TBCK: variants seen among roughly 807,000 people sequenced by gnomAD.
TBCK encodes the protein TBC1 domain containing kinase.
In TBCK, 99 loss-of-function variants were observed where a neutral mutation model predicts 113.4. That is an observed-to-expected ratio of 0.87 (90% confidence interval 0.74 to 1.03). The LOEUF is 1.03. Ranked by LOEUF, TBCK falls within the 50% of genes least tolerant of loss-of-function variation. The probability of loss-of-function intolerance (pLI) is 0.00; values close to 1 mark genes in which losing one functional copy is unlikely to be tolerated. For synonymous variants in TBCK, 369 were observed against 370.8 expected (o/e 1.00, Z 0.05); for missense variants, 1,045 against 1,061.3 (o/e 0.98, Z 0.21).
intron 22 of TBCK, among the ~76,000 whole-genome samples, chr4:106,181,707 T>C (rs1752403962): frequency 6.6e-6 from 1 of 152,098 alleles, no homozygotes; most frequent in Admixed American, 6.6e-5. Context: ...CTGAGGCCTC[T>C]GTTCTGTTCT....
At chr4:106,063,589 A>AG (rs1172798835) in intron 25 of TBCK, among the ~76,000 whole-genome samples, 1 of 151,848 alleles carries the variant, frequency 6.6e-6, no homozygotes, top group African/African-American at 2.4e-5. Context: ...GCTTGAGCAA[A>AG]GGGGGGAAGG....
intron 24 of TBCK, among the ~76,000 whole-genome samples, chr4:106,097,135 TTG>T (rs1190228114): frequency 1.3e-5 from 2 of 152,208 alleles, no homozygotes; most frequent in Non-Finnish European, 2.9e-5. Context: ...CCTATTATCC[TTG>T]TGATTTATTA....
chr4:106,129,113 T>C (rs1216511320), intron 23 of TBCK, among the ~76,000 whole-genome samples: 1 of 152,182 alleles, frequency 6.6e-6, no homozygotes, highest in Admixed American at 6.5e-5. Flanking sequence ...TCTTACATAA[T>C]ACAGAAAAAT....
At chr4:106,052,238 G>A (rs1159728743) in intron 25 of TBCK, among the ~76,000 whole-genome samples, 3 of 151,776 alleles carry the variant, frequency 2.0e-5, no homozygotes, top group Non-Finnish European at 4.4e-5. Context: ...AAGCCAAGAA[G>A]GTGAATGCAC....
At chr4:106,280,067 C>T (rs1046729391) in intron 3 of TBCK, among the ~76,000 whole-genome samples, 10 of 152,142 alleles carry the variant, frequency 6.6e-5, no homozygotes, top group African/African-American at 2.4e-4. Context: ...AAAAGGGTTT[C>T]CTTTTCTCCA....
chr4:106,310,649 T>A (rs773283611), intron 1 of TBCK: 1 of 152,214 alleles, frequency 6.6e-6, no homozygotes. Flanking sequence ...AAGATTTGGC[T>A]GTTCACCCAG....
Position 106,140,212 on chromosome 4 carries a change from T to C in TBCK, c.2236-23834A>G, listed in dbSNP as rs1240462439. Among the ~76,000 whole-genome samples the C allele has an allele frequency of 5.7e-5, 8 of 141,018 alleles. 2 individuals are homozygous for C. The highest frequency in any genetic ancestry group is 8.1e-5 in the Non-Finnish European group (5 of 61,986). The allele number at this position is 141,018 out of a possible 152,430, so 92.5% of individuals were successfully genotyped here. On this transcript the variant is annotated intron_variant, in intron 23 of 25. Transcript: ENST00000394708. The stretch of plus-strand genomic sequence containing the variant: ...ATGGAGTTATGGGCAATATTTATTG[T>C]GGTGAAGTAAATCTTTAAAATACTA...
At chr4:106,166,971 C>T (rs961370069) in intron 23 of TBCK, among the ~76,000 whole-genome samples, 2 of 150,530 alleles carry the variant, frequency 1.3e-5, no homozygotes, top group African/African-American at 2.4e-5. Flanking sequence ...TCATTAAACT[C>T]GGGAACAAGT....
rs149743265 is a variant in TBCK at position 106,194,660 on chromosome 4, C to T, written c.1897+58G>A. The T allele has an allele frequency of 7.4e-4, 953 of 1,284,620 alleles. 4 individuals are homozygous for T. In the African/African-American group the frequency reaches 0.013, roughly 17 times the overall value. The allele number at this position is 1,284,620 out of a possible 1,614,324, so 79.6% of individuals were successfully genotyped here. A position where few individuals can be genotyped will look rare whatever the true frequency, so the allele number is the denominator to read the frequency against. ...ATTGTAAATATAAAATATGGGGAGG[C>T]ATCGGGCTGTCCTTTTGCTAATACA... On this transcript the variant is annotated intron_variant, in intron 21 of 25. Transcript: ENST00000394708.
chr4:106,147,196 C>T (rs1020826530), intron 23 of TBCK, among the ~76,000 whole-genome samples: 6 of 152,148 alleles, frequency 3.9e-5, no homozygotes, highest in Non-Finnish European at 5.9e-5. Flanking sequence ...CTTACAAACA[C>T]CTTTTCATAT....
intron 25 of TBCK, among the ~76,000 whole-genome samples, chr4:106,057,346 G>A (rs1043114575): frequency 5.3e-5 from 8 of 151,638 alleles, no homozygotes; most frequent in African/African-American, 1.5e-4. Flanking sequence ...CAAAAGAAAG[G>A]GAAGATGCTT....
In TBCK at chr4:106,221,334, C is replaced by T. The variant is rs138585210; in HGVS notation, c.1775-8499G>A. 5.1e-3 allele frequency among the ~76,000 whole-genome samples: 778 copies of T among 151,656 alleles called. 4 individuals carry two copies. The highest frequency in any genetic ancestry group is 0.018 in the African/African-American group (735 of 41,394). ...TTATAACTGCATATACATATATATA[C>T]ACACACACACAGACATAAAATATAT... On this transcript the variant is annotated intron_variant, in intron 19 of 25. Transcript: ENST00000394708.
At chr4:106,213,810 C>A in intron 19 of TBCK, 1 of 155,828 alleles carries the variant, frequency 6.4e-6, no homozygotes, top group Non-Finnish European at 1.4e-5. Flanking sequence ...CACCATTGCC[C>A]AGGCTTGCTT....
At chr4:106,115,308 T>C (rs932113682) in intron 24 of TBCK, among the ~76,000 whole-genome samples, 1 of 152,138 alleles carries the variant, frequency 6.6e-6, no homozygotes, top group African/African-American at 2.4e-5. Context: ...GGTAAGTATA[T>C]ACATATAATG....
chr4:106,140,633 A>C (rs1747063057), intron 23 of TBCK, among the ~76,000 whole-genome samples: 1 of 141,268 alleles, frequency 7.1e-6, no homozygotes, highest in Non-Finnish European at 1.6e-5. Flanking sequence ...ATAATGTCTT[A>C]GTTTTAAATT....
At position 106,046,515 on chromosome 4, in the gene TBCK, CTG is replaced by C; in HGVS notation, c.*53_*54del. ...CTGAGAGTGGCGTGGATATGAAGAA[CTG>C]TGCTGTTGGTGCTGATGCCACACTA... On this transcript the variant is annotated 3_prime_UTR_variant, in exon 26 of 26. Coordinates refer to ENST00000394708, the MANE Select transcript of TBCK (RefSeq NM_001163435.3). 2.2e-6 allele frequency: 2 copies of C among 928,594 alleles called. No homozygotes were observed. The highest frequency in any genetic ancestry group is 4.9e-5 in the East Asian group (2 of 41,074). 57.5% of individuals were successfully genotyped at this position (928,594 alleles called of 1,614,324 possible).
chr4:106,058,799 T>C (rs1468570231), intron 25 of TBCK, among the ~76,000 whole-genome samples: 1 of 151,696 alleles, frequency 6.6e-6, no homozygotes, highest in African/African-American at 2.4e-5. Context: ...TTGGCAACTA[T>C]CAAATTTACA....
chr4:106,189,942 TC>T (rs1451373172), intron 22 of TBCK, among the ~76,000 whole-genome samples: 3 of 152,086 alleles, frequency 2.0e-5, no homozygotes, highest in Non-Finnish European at 4.4e-5. Flanking sequence ...TTCCTCTCTT[TC>T]CACTCCCCAC....
At chr4:106,276,555 T>G (rs1025909250) in intron 3 of TBCK, among the ~76,000 whole-genome samples, 2 of 151,940 alleles carry the variant, frequency 1.3e-5, no homozygotes, top group Admixed American at 6.6e-5. Context: ...CTAAATACAA[T>G]AATAATAATA....
Sources: gnomAD v4.1 joint callset for allele counts (sites outside exome capture counted in the v4.1 genomes callset) on GRCh38, gnomAD v4.1.1 for gene constraint, MANE v1.5 for transcripts, NCBI Gene and HGNC (gene_info 2026-07-23, HGNC 2026-07-21) for gene names.